FANCD2: variants seen among roughly 807,000 people sequenced by gnomAD.
FANCD2 encodes Fanconi anemia group D2 protein.
FANCD2 carries 131 observed loss-of-function variants against 192.3 expected under a neutral mutation model. The ratio of observed to expected loss-of-function variants is 0.68; its 90% CI spans 0.59 to 0.79. FANCD2 has a LOEUF of 0.79. Among genes scored for constraint, FANCD2 ranks in the 30% least tolerant of loss-of-function variants. The probability of loss-of-function intolerance (pLI) is 0.00; values close to 1 mark genes in which losing one functional copy is unlikely to be tolerated. For missense variants in FANCD2, 1,508 were observed against 1,701.6 expected, an observed-to-expected ratio of 0.89 and a Z score of 2.00; for synonymous variants, 524 against 612.5, an observed-to-expected ratio of 0.86 and a Z score of 2.13.
chr3:10,039,203 T>G, intron 7 of FANCD2, 76 bp from the exon 8 acceptor site: 2 of 1,023,054 alleles, frequency 2.0e-6, no homozygotes, highest in South Asian at 2.8e-5. Context: ...GCTAAAATAT[T>G]TTGTGCAGTA....
At chr3:10,083,990 C>T (rs1694014877) in intron 32 of FANCD2, among the ~76,000 whole-genome samples, 1 of 151,448 alleles carries the variant, frequency 6.6e-6, no homozygotes, top group African/African-American at 2.4e-5. Context: ...AACTTGTTTC[C>T]CATGCTTTTG....
intron 6 of FANCD2, among the ~76,000 whole-genome samples, 200 bp downstream of exon 6, chr3:10,035,433 A>G (rs2086704165): frequency 6.6e-6 from 1 of 152,182 alleles, no homozygotes; most frequent in Admixed American, 6.5e-5. Flanking sequence ...AGCCTAATAC[A>G]TCTGGCGGCC....
At chr3:10,041,508 G>A in intron 9 of FANCD2, 115 bp from the exon 10 acceptor site, 1 of 770,760 alleles carries the variant, frequency 1.3e-6, no homozygotes, top group South Asian at 1.5e-5. Context: ...GTAACTTAAT[G>A]GCAACTAAGT....
chr3:10,035,774 T>G (rs1277166935), intron 6 of FANCD2, among the ~76,000 whole-genome samples: 1 of 152,190 alleles, frequency 6.6e-6, no homozygotes, highest in Non-Finnish European at 1.5e-5. Flanking sequence ...TTGAAGATAA[T>G]TTAGTTATTT....
chr3:10,100,610 G>A (rs951978684), intron 43 of FANCD2, among the ~76,000 whole-genome samples: 6 of 152,134 alleles, frequency 3.9e-5, no homozygotes, highest in African/African-American at 1.4e-4. Flanking sequence ...AACCTCAGAT[G>A]ATCTACCCAC....
rs751993012 is a variant in FANCD2, at chr3:10,064,779, C to G, written c.2072C>G (p.Thr691Ser). Residue 691 changes from threonine to serine, a missense_variant, in exon 23 of 44, where the codon ACT (threonine) becomes AGT (serine). Thr to Ser is a moderately conservative substitution (Grantham distance 58). Transcript: ENST00000675286. ...CTGTACGGACTGGAAGAATACGACA[C>G]TCAGGATGGGATTGCCATAAACCTC... ...KALYGLEEYD[T>S]QDGIAINLLP... 2 of 1,613,956 alleles carry G rather than the reference C, an allele frequency of 1.2e-6. No individual in the cohort carries two copies. Among genetic ancestry groups the G allele is most frequent in the Non-Finnish European group, 1.7e-6 (2 of 1,179,902 alleles).
Position 10,044,513 on chromosome 3 carries a change from C to CA in FANCD2, c.1134+657dup, listed in dbSNP as rs769704819. 8.0e-3 allele frequency among the ~76,000 whole-genome samples: 1,220 copies of CA among 151,922 alleles called. 6 individuals are homozygous for CA. The highest frequency in any genetic ancestry group is 0.013 in the Non-Finnish European group (892 of 67,948). ...CGAAACCCCGTCTCTACTAAAAATA[C>CA]AAAAAAAATTAGCCTGGCCTGGTGG... On this transcript the variant is annotated intron_variant, in intron 14 of 43. Transcript: ENST00000675286.
intron 8 of FANCD2, among the ~76,000 whole-genome samples, 163 bp from the exon 9 acceptor site, chr3:10,039,558 A>G (rs968332805): frequency 3.9e-5 from 6 of 152,240 alleles, no homozygotes; most frequent in Admixed American, 1.3e-4. Flanking sequence ...AGTAGATATC[A>G]TTTATTAAAT....
chr3:10,036,490 G>A lies in FANCD2; in HGVS notation c.491+151G>A, dbSNP rs535397890. 1.6e-5 allele frequency: 10 copies of A among 634,718 alleles called. No homozygotes were observed. In the East Asian group the frequency reaches 2.9e-4, roughly 18 times the overall value. The allele number at this position is 634,718 out of a possible 1,614,324, so 39.3% of individuals were successfully genotyped here. A position where few individuals can be genotyped will look rare whatever the true frequency, so the allele number is the denominator to read the frequency against. ...ACTAAAATTTTACTGGAGTGTCTTTGAAGTTTCATCTATTAATATGACTTT... is the reference window on the plus strand; with the variant it reads ...ACTAAAATTTTACTGGAGTGTCTTTAAAGTTTCATCTATTAATATGACTTT... On this transcript the variant is annotated intron_variant, in intron 7 of 43. Coordinates refer to ENST00000675286, the MANE Select transcript of FANCD2 (RefSeq NM_001018115.3).
intron 1 of FANCD2, among the ~76,000 whole-genome samples, chr3:10,028,240 G>T (rs1331691005): frequency 6.6e-6 from 1 of 152,060 alleles, no homozygotes; most frequent in Non-Finnish European, 1.5e-5. Flanking sequence ...ATTCCCTGAG[G>T]ACAGGGATCA....
chr3:10,066,503 A>T (rs1291114681), intron 25 of FANCD2, among the ~76,000 whole-genome samples: 1 of 152,214 alleles, frequency 6.6e-6, no homozygotes, highest in Non-Finnish European at 1.5e-5. Flanking sequence ...ACGAATTTCA[A>T]TAGGGAGTTC....
chr3:10,066,112 C>G, intron 25 of FANCD2, 133 bp downstream of exon 25: 1 of 674,734 alleles, frequency 1.5e-6, no homozygotes, highest in South Asian at 1.5e-5. Flanking sequence ...CTGTTATGTC[C>G]CACCACTCCC....
intron 33 of FANCD2, 52 bp downstream of exon 33, chr3:10,085,974 C>T: frequency 3.2e-6 from 4 of 1,239,098 alleles, no homozygotes; most frequent in Non-Finnish European, 4.8e-6. Context: ...CTCCTAGGAA[C>T]AGGATTGGCA....
At position 10,069,634 on chromosome 3, in the gene FANCD2, G is replaced by A. The variant is rs369536972; in HGVS notation, c.2494+2317G>A. 3.8e-4 allele frequency among the ~76,000 whole-genome samples: 58 copies of A among 151,988 alleles called. 1 individual carries two copies. The highest frequency in any genetic ancestry group is 2.5e-3 in the South Asian group (12 of 4,814). On this transcript the variant is annotated intron_variant, in intron 26 of 43. Transcript: ENST00000675286. ...GCGCCGCCACGCCTGACTGGTTTTC[G>A]TACTTTTTTGGTGGAGACGGGGTTT...
chr3:10,064,810 G>A lies in FANCD2; in HGVS notation c.2103G>A (p.Pro701=), dbSNP rs139033444. The part of the protein sequence containing the change: ...TQDGIAINLL[P]LLFSQDFAKD... ...ATGGGATTGCCATAAACCTCCTGCC[G>A]CTGCTGTTTTCTCAGGACTTTGCAA... is the stretch of plus-strand genomic sequence containing the variant. The change falls in exon 23 of 44, where the codon CCG becomes CCA. Residue 701 remains proline, a synonymous_variant. Transcript: ENST00000675286. 133 of 1,613,948 alleles carry A rather than the reference G, an allele frequency of 8.2e-5. 1 individual carries two copies. In the Admixed American group the frequency reaches 1.7e-3, roughly 21 times the overall value.
At position 10,065,415 on chromosome 3, in the gene FANCD2, G is replaced by C. The variant is rs751345893; in HGVS notation, c.2190G>C (p.Leu730=). The C allele has an allele frequency of 2.5e-6, 4 of 1,613,656 alleles. No individual in the cohort carries two copies. ...TCAGATTGGTGTCTCCGCTGTGCCT[G>C]GCTCCGTATTTCCGGTTACTGAGAC... ...SGQKLVSPLC[L]APYFRLLRLC... Residue 730 remains leucine (L), a synonymous_variant, in exon 24 of 44, where the codon CTG becomes CTC. Coordinates refer to ENST00000675286, the MANE Select transcript of FANCD2 (RefSeq NM_001018115.3).
At chr3:10,060,805 A>G (rs2087544327) in intron 19 of FANCD2, among the ~76,000 whole-genome samples, 2 of 152,114 alleles carry the variant, frequency 1.3e-5, no homozygotes. Flanking sequence ...GATCTTGTGT[A>G]TTTCCCCTCA....
intron 11 of FANCD2, 32 bp from the exon 12 acceptor site, chr3:10,043,018 A>T (rs765865952): frequency 1.3e-6 from 2 of 1,583,560 alleles, no homozygotes; most frequent in South Asian, 2.2e-5. Flanking sequence ...ATGAATGAGC[A>T]GAAAACCATA....
In FANCD2 at chr3:10,065,914, A is replaced by G. The variant is rs1396396193; in HGVS notation, c.2320A>G (p.Met774Val). Residue 774 changes from methionine (M) to valine (V), a missense_variant, in exon 25 of 44, where the codon ATG (methionine) becomes GTG (valine). Met to Val is a conservative substitution (Grantham distance 21). This residue lies in a region of FANCD2 where 796 missense variants were observed against 879.4 expected (regional missense o/e 0.91). Coordinates refer to ENST00000675286, the MANE Select transcript of FANCD2 (RefSeq NM_001018115.3). ...GGAGCCTGGAGAGAAGTTGGAGTCC[A>G]TGTCTGCTAAAGAGCGTTCATTCAT... is the stretch of plus-strand genomic sequence containing the variant. Reference protein sequence around the residue: ...DLEPGEKLESMSAKERSFMCS... With the variant: ...DLEPGEKLESVSAKERSFMCS... The G allele has an allele frequency of 1.9e-6, 3 of 1,613,810 alleles. No individual in the cohort carries two copies. Among genetic ancestry groups the G allele is most frequent in the East Asian group, 2.2e-5 (1 of 44,876 alleles).
Sources: allele counts gnomAD v4.1 joint callset (sites outside exome capture counted in the v4.1 genomes callset), GRCh38; gene constraint gnomAD v4.1.1; regional missense constraint gnomAD v4.1.1; transcripts MANE v1.5; gene names NCBI Gene and HGNC (gene_info 2026-07-23, HGNC 2026-07-21).